Variants in RYR3 observed in about 807,000 individuals in gnomAD.
RYR3 encodes ryanodine receptor 3.
RYR3 carries 207 observed loss-of-function variants against 584.3 expected under a neutral mutation model. That is an observed-to-expected ratio of 0.35 (90% CI 0.32 to 0.40). The LOEUF (loss-of-function observed/expected upper bound fraction) is 0.40, where lower values mean the gene tolerates loss of function less well. Among genes scored for constraint, RYR3 ranks in the 10% least tolerant of loss-of-function variants. The probability of loss-of-function intolerance (pLI) is 1.00; values close to 1 mark genes in which losing one functional copy is unlikely to be tolerated. For missense variants in RYR3, 5,616 were observed against 6,089.2 expected (o/e 0.92, Z 2.59); for synonymous variants, 2,416 against 2,248.5 (o/e 1.07, Z -2.11).
intron 14 of RYR3, among the ~76,000 whole-genome samples, chr15:33,583,416 C>G (rs2152519480): frequency 6.6e-6 from 1 of 152,204 alleles, no homozygotes; most frequent in South Asian, 2.1e-4. Flanking sequence ...AAGTCAGTAA[C>G]CAAGCCAATA....
chr15:33,533,639 A>C (rs532003024), intron 5 of RYR3, among the ~76,000 whole-genome samples: 1 of 152,342 alleles, frequency 6.6e-6, no homozygotes, highest in Admixed American at 6.5e-5. Flanking sequence ...CAAATCTTTA[A>C]CGTTGTTAGG....
chr15:33,588,828 G>A (rs76724031), intron 16 of RYR3, among the ~76,000 whole-genome samples: 2 of 135,914 alleles, frequency 1.5e-5, no homozygotes, highest in Non-Finnish European at 3.2e-5. Context: ...GTGTGTGTGT[G>A]TATATAAACC....
chr15:33,777,656 T>A (rs1189095501), intron 64 of RYR3, among the ~76,000 whole-genome samples: 1 of 152,120 alleles, frequency 6.6e-6, no homozygotes, highest in African/African-American at 2.4e-5. Flanking sequence ...GCCAGTCCCC[T>A]GAGTCAACAC....
At chr15:33,563,771 TATG>T (rs1799816857) in intron 11 of RYR3, among the ~76,000 whole-genome samples, 2 of 152,130 alleles carry the variant, frequency 1.3e-5, no homozygotes, top group Admixed American at 1.3e-4. Flanking sequence ...GAATGCAGGT[TATG>T]ATAAGAAAGG....
rs761044933 is a variant in RYR3 at position 33,581,580 on chromosome 15, A to T, written c.1510A>T (p.Ile504Phe). The T allele has an allele frequency of 1.3e-5, 21 of 1,613,214 alleles. No individual in the cohort carries two copies. Among genetic ancestry groups the T allele is most frequent in the African/African-American group, 2.7e-5 (2 of 74,916 alleles). Residue 504 changes from isoleucine (I) to phenylalanine (F), a missense_variant, in exon 14 of 104, where the codon ATT becomes TTT. Around this residue, in one of 9 missense-constraint regions of RYR3, gnomAD observed 1,284 missense variants for 1,344.6 expected, o/e 0.95. Transcript: ENST00000634891. Reference protein sequence around the residue: ...VYNSVAHFAGIAREESGMAWK... With the variant: ...VYNSVAHFAGFAREESGMAWK... ...CAATAGCGTAGCACACTTTGCAGGG[A>T]TTGCAAGGGAAGAGAGTGGCATGGC...
At chr15:33,409,182 C>T (rs1454091472) in intron 1 of RYR3, among the ~76,000 whole-genome samples, 4 of 151,986 alleles carry the variant, frequency 2.6e-5, no homozygotes, top group African/African-American at 9.7e-5. Flanking sequence ...CCTATGTACT[C>T]GGAGATAAGA....
chr15:33,794,332 T>TATATAAC (rs1239141784), intron 67 of RYR3, among the ~76,000 whole-genome samples: 1 of 30,522 alleles, frequency 3.3e-5, no homozygotes, highest in South Asian at 4.5e-3. Context: ...TTTTTATATA[T>TATATAAC]GTTTATATAT....
chr15:33,732,146 C>T (rs914233442), intron 48 of RYR3, among the ~76,000 whole-genome samples: 2 of 151,966 alleles, frequency 1.3e-5, no homozygotes, highest in African/African-American at 4.8e-5. Flanking sequence ...CTTTGGGAGG[C>T]CGAGGTGGGC....
intron 75 of RYR3, among the ~76,000 whole-genome samples, chr15:33,818,019 C>T (rs2076909880): frequency 6.6e-6 from 1 of 152,222 alleles, no homozygotes; most frequent in Admixed American, 6.5e-5. Flanking sequence ...AGGATGGCAG[C>T]TCTCAGGAGC....
intron 102 of RYR3, among the ~76,000 whole-genome samples, chr15:33,861,614 T>A (rs1277021683): frequency 2.0e-5 from 3 of 152,176 alleles, no homozygotes; most frequent in Non-Finnish European, 2.9e-5. Flanking sequence ...ATTTTTCTCT[T>A]TTCATTCTCC....
At chr15:33,720,197 CA>C (rs2067808059) in intron 43 of RYR3, among the ~76,000 whole-genome samples, 2 of 152,160 alleles carry the variant, frequency 1.3e-5, no homozygotes, top group Admixed American at 6.5e-5. Flanking sequence ...GCCCACAGTG[CA>C]AAAGCTTGAG....
intron 25 of RYR3, 71 bp downstream of exon 25, chr15:33,634,804 T>A: frequency 7.9e-7 from 1 of 1,273,478 alleles, no homozygotes; most frequent in Non-Finnish European, 1.1e-6. Context: ...CATCCTAACT[T>A]CAAATAGGTC....
chr15:33,794,348 A>ATATATAACATATATATATGT (rs369625654), intron 67 of RYR3, among the ~76,000 whole-genome samples: 2 of 58,338 alleles, frequency 3.4e-5, no homozygotes, highest in Admixed American at 3.8e-4. Context: ...TATATATAAA[A>ATATATAACATATATATATGT]ATATATATAT....
chr15:33,313,394 G>A (rs992236553), intron 1 of RYR3, among the ~76,000 whole-genome samples: 1 of 152,174 alleles, frequency 6.6e-6, no homozygotes, highest in Non-Finnish European at 1.5e-5. Context: ...GAACATAAGA[G>A]GAGTACTGCA....
chr15:33,464,990 C>A (rs1472472579), intron 1 of RYR3, among the ~76,000 whole-genome samples: 1 of 152,166 alleles, frequency 6.6e-6, no homozygotes, highest in Non-Finnish European at 1.5e-5. Flanking sequence ...GCAGTACTTG[C>A]CTTTCTGCAC....
intron 94 of RYR3, chr15:33,849,289 CTG>C (rs1286280335): frequency 1.3e-5 from 2 of 152,212 alleles, no homozygotes; most frequent in Non-Finnish European, 2.9e-5. Context: ...GCATGTGGCA[CTG>C]TGGTGGGAAG....
intron 89 of RYR3, 41 bp downstream of exon 89, chr15:33,838,999 A>T: frequency 6.4e-7 from 1 of 1,569,340 alleles, no homozygotes; most frequent in South Asian, 1.2e-5. Flanking sequence ...TTATCCCCAG[A>T]ATAAGACTTG....
At chr15:33,522,007 A>C (rs1595427681) in intron 3 of RYR3, among the ~76,000 whole-genome samples, 1 of 150,374 alleles carries the variant, frequency 6.7e-6, no homozygotes, top group African/African-American at 2.5e-5. Flanking sequence ...TAATCCCAGC[A>C]CTTTGGGAGG....
chr15:33,669,307 G>C, intron 36 of RYR3, 47 bp from the exon 37 acceptor site: 1 of 1,493,980 alleles, frequency 6.7e-7, no homozygotes, highest in Non-Finnish European at 9.3e-7. Context: ...GAGTTCCCTT[G>C]GCCAACATTG....
Sources: allele counts gnomAD v4.1 joint callset (sites outside exome capture counted in the v4.1 genomes callset), GRCh38; gene constraint gnomAD v4.1.1; regional missense constraint gnomAD v4.1.1; transcripts MANE v1.5; gene names NCBI Gene and HGNC (gene_info 2026-07-23, HGNC 2026-07-21).